Variants in GHITM observed in about 807,000 individuals in gnomAD.
The protein encoded by GHITM is growth hormone inducible transmembrane protein, also known as growth hormone-inducible transmembrane protein.
In GHITM, 24 loss-of-function variants were observed where a neutral mutation model predicts 38.7. That is an observed-to-expected ratio of 0.62 (90% CI 0.45 to 0.87). GHITM has a LOEUF of 0.87. GHITM is among the 40% of genes least tolerant of loss of function. The pLI, the probability that GHITM is intolerant of heterozygous loss-of-function variation, is 0.00. For synonymous variants in GHITM, 154 were observed against 147.8 expected (o/e 1.04, Z -0.30); for missense variants, 420 against 429.8 (o/e 0.98, Z 0.20).
chr10:84,144,132 G>A (rs10887241), intron 4 of GHITM, 26 bp downstream of exon 4: 187,897 of 1,406,544 alleles, frequency 0.13, 13,252 homozygotes, highest in Admixed American at 0.17. Context: ...TAAGTAAACT[G>A]TTCCTAAACA....
intron 5 of GHITM, among the ~76,000 whole-genome samples, chr10:84,146,261 C>T (rs1275837309): frequency 1.3e-5 from 2 of 152,002 alleles, no homozygotes; most frequent in South Asian, 2.1e-4. Context: ...CCTAAGCAGT[C>T]GGAGGCCATT....
In GHITM at chr10:84,152,922, CTG is replaced by C. The variant is rs964896139; in HGVS notation, c.*576_*577del. On this transcript the variant is annotated 3_prime_UTR_variant, in exon 9 of 9. Transcript: ENST00000372134. ...CATTCATCTGCTGAACTTAACAAAA[CTG>C]TTCATCCTGAAACAGGCACAGGTGA... 1.3e-5 allele frequency: 2 copies of C among 152,238 alleles called. No homozygotes were observed. Among genetic ancestry groups the C allele is most frequent in the African/African-American group, 4.8e-5 (2 of 41,460 alleles). The allele number at this position is 152,238 out of a possible 1,614,324, so 9.4% of individuals were successfully genotyped here. A position where few individuals can be genotyped will look rare whatever the true frequency, so the allele number is the denominator to read the frequency against.
rs377265995 is a variant in GHITM, at chr10:84,142,721, G to A, written c.196G>A (p.Ala66Thr). The A allele has an allele frequency of 1.9e-6, 3 of 1,609,288 alleles. No individual in the cohort carries two copies. Among genetic ancestry groups the A allele is most frequent in the African/African-American group, 1.3e-5 (1 of 74,834 alleles). Residue 66 changes from alanine (A) to threonine (T), a missense_variant, in exon 3 of 9, where the codon GCA (alanine) becomes ACA (threonine). Coordinates refer to ENST00000372134, the MANE Select transcript of GHITM (RefSeq NM_014394.3). ...AACTGGCCAAGAACTCAAAGAGGCA[G>A]CATTGGAACCATCGATGGAAAAAAT... ...GRTGQELKEA[A>T]LEPSMEKIFK...
intron 5 of GHITM, among the ~76,000 whole-genome samples, chr10:84,145,597 G>A (rs925494334): frequency 3.3e-5 from 5 of 152,242 alleles, no homozygotes; most frequent in African/African-American, 1.2e-4. Flanking sequence ...AAATGCCTAT[G>A]CAGTTAAGAG....
chr10:84,150,021 G>C (rs1841595757), intron 6 of GHITM, 34 bp from the exon 7 acceptor site: 1 of 1,432,542 alleles, frequency 7.0e-7, no homozygotes, highest in Non-Finnish European at 9.3e-7. Flanking sequence ...TTGTTATTTA[G>C]TAAATACTTA....
At chr10:84,150,639 T>C (rs1332543111) in intron 7 of GHITM, 70 bp from the exon 8 acceptor site, 22 of 1,235,546 alleles carry the variant, frequency 1.8e-5, no homozygotes, top group Non-Finnish European at 2.4e-5. Context: ...TTTTAAGTAA[T>C]ATAAATCATA....
At chr10:84,147,250 T>C (rs998301617) in intron 5 of GHITM, among the ~76,000 whole-genome samples, 1 of 152,170 alleles carries the variant, frequency 6.6e-6, no homozygotes, top group African/African-American at 2.4e-5. Flanking sequence ...CTCGATATGC[T>C]TTTCTTTTCT....
At position 84,150,102 on chromosome 10, in the gene GHITM, C is replaced by CT; in HGVS notation, c.642dup (p.Leu215SerfsTer25). 4.3e-6 allele frequency: 7 copies of CT among 1,612,396 alleles called. No homozygotes were observed. Among genetic ancestry groups the CT allele is most frequent in the Non-Finnish European group, 5.9e-6 (7 of 1,178,852 alleles). ...TCCTCTGACAATATTAGGGGGTCCT[C>CT]TTCTCATCAGAGCTGCATGGTACAC... On this transcript the variant is annotated frameshift_variant, in exon 7 of 9. Coordinates refer to ENST00000372134, the MANE Select transcript of GHITM (RefSeq NM_014394.3). LOFTEE classifies it high-confidence loss of function.
Position 84,152,374 on chromosome 10 carries a change from CT to C in GHITM, c.*27del. On this transcript the variant is annotated 3_prime_UTR_variant, in exon 9 of 9. Coordinates refer to ENST00000372134, the MANE Select transcript of GHITM (RefSeq NM_014394.3). ...AGTGACTCAGCTTCTGGCTTCTCTGCTACATCAAATATCTTGTTTAATGGGG... is the reference window on the plus strand; with the variant it reads ...AGTGACTCAGCTTCTGGCTTCTCTGCACATCAAATATCTTGTTTAATGGGG... 7.6e-7 allele frequency: 1 copy of C among 1,321,046 alleles called. No individual in the cohort carries two copies. Among genetic ancestry groups the C allele is most frequent in the Non-Finnish European group, 1.1e-6 (1 of 919,192 alleles). 81.8% of individuals were successfully genotyped at this position (1,321,046 alleles called of 1,614,324 possible).
At chr10:84,146,796 A>G (rs1841560392) in intron 5 of GHITM, among the ~76,000 whole-genome samples, 1 of 152,220 alleles carries the variant, frequency 6.6e-6, no homozygotes, top group Non-Finnish European at 1.5e-5. Context: ...CACTGTTAGT[A>G]ATACAGAAAA....
chr10:84,147,972 A>T lies in GHITM; in HGVS notation c.484-758A>T, dbSNP rs563523584. Among the ~76,000 whole-genome samples the T allele has an allele frequency of 4.9e-4, 75 of 152,116 alleles. 1 individual carries two copies. The highest frequency in any genetic ancestry group is 3.4e-3 in the Middle Eastern group (1 of 294). On this transcript the variant is annotated intron_variant, in intron 5 of 8. Coordinates refer to ENST00000372134, the MANE Select transcript of GHITM (RefSeq NM_014394.3). ...GAGTTCAAAGTGATGTGCTATATAT[A>T]TTTTTTTTAAAAATTACTAATTTGT...
At chr10:84,148,469 G>C (rs576864504) in intron 5 of GHITM, among the ~76,000 whole-genome samples, 1 of 152,100 alleles carries the variant, frequency 6.6e-6, no homozygotes, top group African/African-American at 2.4e-5. Flanking sequence ...GCTAATTTTT[G>C]TATTTGTAGT....
At chr10:84,149,967 GTATAA>G (rs371715140) in intron 6 of GHITM, 83 bp from the exon 7 acceptor site, 4 of 1,055,318 alleles carry the variant, frequency 3.8e-6, no homozygotes, top group Non-Finnish European at 5.3e-6. Context: ...AAACAGTAAG[GTATAA>G]TATAAAGTGG....
At chr10:84,145,715 G>T (rs1348650788) in intron 5 of GHITM, among the ~76,000 whole-genome samples, 1 of 152,218 alleles carries the variant, frequency 6.6e-6, no homozygotes, top group Non-Finnish European at 1.5e-5. Flanking sequence ...AAGAGAATTT[G>T]AATATGTGTC....
In GHITM at chr10:84,152,250, ATTTTC is replaced by A. The variant is rs749961239; in HGVS notation, c.954-7_954-3del. 58 of 1,354,432 alleles carry A rather than the reference ATTTTC, an allele frequency of 4.3e-5. No individual in the cohort carries two copies. Among genetic ancestry groups the A allele is most frequent in the Middle Eastern group, 1.8e-4 (1 of 5,576 alleles). The allele number at this position is 1,354,432 out of a possible 1,614,324, so 83.9% of individuals were successfully genotyped here. ...AATTGCATCATATATAATGGGCATA[ATTTTC>A]TTTTCTAGGATGCTGAGTATCTACA... On this transcript the variant is annotated splice_polypyrimidine_tract_variant and intron_variant, in intron 8 of 8. Coordinates refer to ENST00000372134, the MANE Select transcript of GHITM (RefSeq NM_014394.3).
In GHITM at chr10:84,153,533, A is replaced by G. The variant is rs200657588; in HGVS notation, c.*1185A>G. ...AAGTTCTTTGATACAGAAGAGTTATATTTAGAAGTCTTTAATGAAGGGAAA... is the reference window on the plus strand; with the variant it reads ...AAGTTCTTTGATACAGAAGAGTTATGTTTAGAAGTCTTTAATGAAGGGAAA... On this transcript the variant is annotated 3_prime_UTR_variant, in exon 9 of 9. Transcript: ENST00000372134. 3.3e-5 allele frequency among the ~76,000 whole-genome samples: 5 copies of G among 152,212 alleles called. No homozygotes were observed. The East Asian group carries it at 7.7e-4, about 23-fold the overall frequency.
chr10:84,143,633 C>T (rs969015824), intron 3 of GHITM, among the ~76,000 whole-genome samples: 3 of 151,982 alleles, frequency 2.0e-5, no homozygotes, highest in African/African-American at 7.3e-5. Flanking sequence ...TTAACATTTC[C>T]TTCTCATTTT....
intron 8 of GHITM, among the ~76,000 whole-genome samples, chr10:84,151,443 C>G (rs1002745925): frequency 6.6e-6 from 1 of 152,128 alleles, no homozygotes; most frequent in African/African-American, 2.4e-5. Context: ...TTTTTGTGAG[C>G]CAGTGTCAGG....
rs779223429 is a variant in GHITM, at chr10:84,143,999, TC to T, written c.235del (p.Gln79ArgfsTer36). 3.1e-6 allele frequency: 5 copies of T among 1,609,532 alleles called. No individual in the cohort carries two copies. The South Asian group carries it at 5.5e-5, about 18-fold the overall frequency. The part of the protein sequence containing the change: ...PSMEKIFKID[Q>X]MGRWFVAGGA... ...ATTTCCTTCTGTGTTCTGCAGTTGATCAGATGGGAAGATGGTTTGTTGCTGG... is the reference window on the plus strand; with the variant it reads ...ATTTCCTTCTGTGTTCTGCAGTTGATAGATGGGAAGATGGTTTGTTGCTGG... On this transcript the variant is annotated frameshift_variant, in exon 4 of 9. Transcript: ENST00000372134. LOFTEE classifies it high-confidence loss of function.
Sources: allele counts gnomAD v4.1 joint callset (sites outside exome capture counted in the v4.1 genomes callset), GRCh38; gene constraint gnomAD v4.1.1; transcripts MANE v1.5; gene names NCBI Gene and HGNC (gene_info 2026-07-23, HGNC 2026-07-21).